Variants in KCNAB2 observed in about 807,000 individuals in gnomAD.
The protein encoded by KCNAB2 is potassium voltage-gated channel subfamily A regulatory beta subunit 2.
Under a neutral mutation model 63.6 loss-of-function variants are expected in KCNAB2, and 29 were observed. That is an observed-to-expected ratio of 0.46 (90% CI 0.34 to 0.62). The LOEUF (loss-of-function observed/expected upper bound fraction) is 0.62, where lower values mean the gene tolerates loss of function less well. Among genes scored for constraint, KCNAB2 ranks in the 20% least tolerant of loss-of-function variants. The probability of loss-of-function intolerance (pLI) is 0.01; values close to 1 mark genes in which losing one functional copy is unlikely to be tolerated. For synonymous variants in KCNAB2, 222 were observed against 224.2 expected (o/e 0.99, Z 0.09); for missense variants, 359 against 563.9 (o/e 0.64, Z 3.68).
intron 1 of KCNAB2, among the ~76,000 whole-genome samples, chr1:6,023,208 A>C (rs1232648651): frequency 6.6e-6 from 1 of 152,184 alleles, no homozygotes; most frequent in Non-Finnish European, 1.5e-5. Flanking sequence ...TCCATCAGTG[A>C]ACCTGGGTTG....
At position 6,035,190 on chromosome 1, in the gene KCNAB2, T is replaced by G. The variant is rs1659933182; in HGVS notation, c.-53+396T>G. ...GCCCTGAGGTGGGAGTGAGTCTGTC[T>G]GCTGGGTTCACAGACCCCCAGGGAG... On this transcript the variant is annotated intron_variant, in intron 1 of 15. Transcript: ENST00000164247. The surrounding 1 kb of genome is among the most constrained non-coding windows in gnomAD (Gnocchi z 5.0). 6.9e-6 allele frequency among the ~76,000 whole-genome samples: 1 copy of G among 145,982 alleles called. No homozygotes were observed. The highest frequency in any genetic ancestry group is 1.5e-5 in the Non-Finnish European group (1 of 66,988).
At chr1:6,097,817 G>A (rs1422462983) in intron 15 of KCNAB2, 2 of 309,930 alleles carry the variant, frequency 6.5e-6, no homozygotes, top group African/African-American at 4.3e-5. Context: ...GATCCTGAGA[G>A]GCACGAAACA....
chr1:6,050,403 G>A (rs1003344195), intron 1 of KCNAB2, among the ~76,000 whole-genome samples: 1 of 152,256 alleles, frequency 6.6e-6, no homozygotes, highest in African/African-American at 2.4e-5. Context: ...TTTGTGTTGA[G>A]CCTGCCTCCA....
At chr1:6,001,102 T>A (rs563841209) in intron 1 of KCNAB2, among the ~76,000 whole-genome samples, 1 of 152,146 alleles carries the variant, frequency 6.6e-6, no homozygotes, top group East Asian at 1.9e-4. Flanking sequence ...CAAGGGCAGG[T>A]AAGGAGGGAC....
rs751055478 is a variant in KCNAB2, at chr1:6,085,186, C to T, written c.381-18C>T. On this transcript the variant is annotated intron_variant, in intron 5 of 15. Coordinates refer to ENST00000378083, the MANE Select transcript of KCNAB2 (RefSeq NM_001199862.2). Reference sequence around the variant, plus strand: ...TTTCTGTTTGGCTGTGATGAGAGCTCGGTGTCTTGTTTTGCAGGGCTGAAG... The same window carrying T: ...TTTCTGTTTGGCTGTGATGAGAGCTTGGTGTCTTGTTTTGCAGGGCTGAAG... The T allele has an allele frequency of 1.8e-5, 29 of 1,613,532 alleles. No individual in the cohort carries two copies. The highest frequency in any genetic ancestry group is 2.7e-5 in the African/African-American group (2 of 74,872).
rs1664729105 is a variant in KCNAB2 at position 6,086,709 on chromosome 1, T to TA, written c.426-757dup. ...TATGGGCATTTGTCTCGTGTGGACT[T>TA]AGAGCAGAAGAACGAATTACTTCCC... On this transcript the variant is annotated intron_variant, in intron 6 of 15. Transcript: ENST00000378083. The surrounding 1 kb of genome is among the most constrained non-coding windows in gnomAD (Gnocchi z 4.2). Among the ~76,000 whole-genome samples the TA allele has an allele frequency of 6.6e-6, 1 of 152,134 alleles. No homozygotes were observed. Among genetic ancestry groups the TA allele is most frequent in the African/African-American group, 2.4e-5 (1 of 41,436 alleles).
intron 2 of KCNAB2, among the ~76,000 whole-genome samples, chr1:6,052,067 A>C (rs1196732074): frequency 6.6e-6 from 1 of 151,994 alleles, no homozygotes; most frequent in East Asian, 1.9e-4. Flanking sequence ...ATACCACTGC[A>C]CTCCAGCCTG....
chr1:6,058,606 C>T (rs1662041324), intron 2 of KCNAB2, among the ~76,000 whole-genome samples: 2 of 152,244 alleles, frequency 1.3e-5, no homozygotes, highest in South Asian at 4.1e-4. Context: ...AAGGGACCTT[C>T]CCACACAGCA....
chr1:6,043,094 A>G (rs1304998656), upstream of KCNAB2, among the ~76,000 whole-genome samples: 1 of 152,208 alleles, frequency 6.6e-6, no homozygotes. Context: ...ATGTATGTAC[A>G]CATGGTATAA....
chr1:6,009,888 T>C lies in KCNAB2; in HGVS notation c.-53+17100T>C, dbSNP rs998768608. Among the ~76,000 whole-genome samples, 15 of 137,172 alleles carry C rather than the reference T, an allele frequency of 1.1e-4. 1 individual carries two copies. Among genetic ancestry groups the C allele is most frequent in the Non-Finnish European group, 2.2e-4 (14 of 62,308 alleles). 90.0% of individuals were successfully genotyped at this position (137,172 alleles called of 152,430 possible). A position where few individuals can be genotyped will look rare whatever the true frequency, so the allele number is the denominator to read the frequency against. On this transcript the variant is annotated intron_variant, in intron 1 of 16. Coordinates refer to the KCNAB2 transcript ENST00000341524. ...TTCTTTTTTTCTTTTTTTTTTTTTTTCCGACAGGGTCTCACTCTGCCGCCC... is the reference window on the plus strand; with the variant it reads ...TTCTTTTTTTCTTTTTTTTTTTTTTCCCGACAGGGTCTCACTCTGCCGCCC...
At chr1:6,009,503 C>T (rs1244476966) in intron 1 of KCNAB2, among the ~76,000 whole-genome samples, 3 of 152,254 alleles carry the variant, frequency 2.0e-5, no homozygotes, top group Non-Finnish European at 4.4e-5. Flanking sequence ...CCAGGACTGG[C>T]CTGGAACACA....
In KCNAB2 at chr1:6,078,084, C is replaced by T. The variant is rs187447848; in HGVS notation, c.301-4111C>T. Among the ~76,000 whole-genome samples, 383 of 150,630 alleles carry T rather than the reference C, an allele frequency of 2.5e-3. No individual in the cohort carries two copies. Among genetic ancestry groups the T allele is most frequent in the African/African-American group, 8.2e-3 (331 of 40,596 alleles). ...TCCCGGCCTAAGTCCAGGAGTCAGC[C>T]GGGCCGGGCTCCCTTCTCCAGGCCA... On this transcript the variant is annotated intron_variant, in intron 4 of 15. Transcript: ENST00000378083. This position sits in a 1 kb window ranked among gnomAD's most constrained non-coding sequence, Gnocchi z 4.2.
chr1:6,047,209 A>G (rs1454567369), intron 1 of KCNAB2, among the ~76,000 whole-genome samples: 1 of 152,216 alleles, frequency 6.6e-6, no homozygotes, highest in Admixed American at 6.5e-5. Flanking sequence ...GCTCTTGAGC[A>G]CAGGAGAAGT....
At chr1:6,077,343 G>T (rs3789543) in intron 4 of KCNAB2, among the ~76,000 whole-genome samples, 51,209 of 152,044 alleles carry the variant, frequency 0.34, 10,139 homozygotes, top group African/African-American at 0.55. Context: ...AGCAAAATCA[G>T]AGCCGTCAAA....
At chr1:5,993,692 C>T (rs1001120938) in intron 1 of KCNAB2, among the ~76,000 whole-genome samples, 15 of 152,194 alleles carry the variant, frequency 9.9e-5, no homozygotes, top group African/African-American at 3.4e-4. Flanking sequence ...CGCAGCATCC[C>T]GGGGTGCTCC....
intron 1 of KCNAB2, among the ~76,000 whole-genome samples, chr1:6,019,704 A>G (rs1040217853): frequency 1.3e-5 from 2 of 152,228 alleles, no homozygotes; most frequent in African/African-American, 4.8e-5. Context: ...GTCCAGTGTC[A>G]CAGCCCACGT....
upstream of KCNAB2, among the ~76,000 whole-genome samples, chr1:6,044,257 T>C (rs1171929234): frequency 6.6e-6 from 1 of 152,142 alleles, no homozygotes; most frequent in African/African-American, 2.4e-5. Flanking sequence ...AATACTTCCA[T>C]GTACCCCAGG....
At chr1:6,097,543 A>G (rs1358049401) in intron 15 of KCNAB2, 186 bp downstream of exon 15, 7 of 1,027,176 alleles carry the variant, frequency 6.8e-6, no homozygotes, top group Non-Finnish European at 2.9e-6. Context: ...CACTAACTGC[A>G]CGAAACAAGG....
At chr1:6,008,934 C>T (rs1338229370) in intron 1 of KCNAB2, among the ~76,000 whole-genome samples, 1 of 152,204 alleles carries the variant, frequency 6.6e-6, no homozygotes, top group Non-Finnish European at 1.5e-5. Flanking sequence ...GCAGCCCTGC[C>T]CATTCCTCTG....
Sources: allele counts gnomAD v4.1 joint callset (sites outside exome capture counted in the v4.1 genomes callset), GRCh38; gene constraint gnomAD v4.1.1; non-coding constraint Gnocchi (gnomAD v3.1); transcripts MANE v1.5; gene names NCBI Gene and HGNC (gene_info 2026-07-23, HGNC 2026-07-21).